The following ANGPTL5 variants were observed in gnomAD, a reference collection of about 807,000 sequenced individuals.
The protein encoded by ANGPTL5 is angiopoietin like 5.
ANGPTL5 carries 34 observed loss-of-function variants against 39.4 expected under a neutral mutation model. The observed-to-expected ratio is 0.86, with a 90% CI of 0.66 to 1.15. The LOEUF is 1.15. Ranked by LOEUF, ANGPTL5 falls within the 50% of genes most tolerant of loss-of-function variation. ANGPTL5 has a pLI of 0.00. For missense variants in ANGPTL5, 467 were observed against 457.5 expected, an observed-to-expected ratio of 1.02 and a Z score of -0.19; for synonymous variants, 146 against 152.1, an observed-to-expected ratio of 0.96 and a Z score of 0.29.
intron 6 of ANGPTL5, among the ~76,000 whole-genome samples, chr11:101,901,005 G>A (rs1240551053): frequency 7.1e-6 from 1 of 140,258 alleles, no homozygotes; most frequent in African/African-American, 2.7e-5. Context: ...GCGCCCGCTA[G>A]CACCCCCGGC....
chr11:101,900,378 T>C, intron 7 of ANGPTL5, 52 bp downstream of exon 7: 2 of 1,563,538 alleles, frequency 1.3e-6, no homozygotes, highest in Non-Finnish European at 1.8e-6. Flanking sequence ...GCTCTATAGA[T>C]ATAATATCAA....
At chr11:101,904,438 T>C (rs943350575) in intron 5 of ANGPTL5, among the ~76,000 whole-genome samples, 2 of 152,234 alleles carry the variant, frequency 1.3e-5, no homozygotes, top group Non-Finnish European at 2.9e-5. Context: ...ATTTGAAACA[T>C]TTCAAACATG....
chr11:101,913,145 T>C (rs1312889837), intron 1 of ANGPTL5, among the ~76,000 whole-genome samples: 1 of 152,180 alleles, frequency 6.6e-6, no homozygotes, highest in Non-Finnish European at 1.5e-5. Flanking sequence ...ACAGACTGAT[T>C]TCAATAACTT....
intron 8 of ANGPTL5, 142 bp from the exon 9 acceptor site, chr11:101,891,740 C>T (rs546884227): frequency 1.2e-6 from 1 of 868,212 alleles, no homozygotes; most frequent in East Asian, 2.7e-5. Context: ...TTAAAATTCT[C>T]CTACTCGAAG....
chr11:101,899,092 G>T (rs1056539530), intron 7 of ANGPTL5, among the ~76,000 whole-genome samples: 2 of 152,164 alleles, frequency 1.3e-5, no homozygotes, highest in Non-Finnish European at 2.9e-5. Context: ...CAGGGATATT[G>T]GCCTGAAATT....
At chr11:101,908,759 C>T (rs1188917790) in intron 1 of ANGPTL5, among the ~76,000 whole-genome samples, 6 of 129,546 alleles carry the variant, frequency 4.6e-5, no homozygotes, top group South Asian at 2.4e-4. Context: ...CCAGCCTGGG[C>T]GAAAGAGTGA....
chr11:101,905,823 G>A lies in ANGPTL5; in HGVS notation c.266C>T (p.Ser89Phe). The part of the protein sequence containing the change: ...MCRNLQNSIV[S>F]YTRSTKKLLR... The stretch of plus-strand genomic sequence containing the variant: ...TAGTTTTTTGGTACTTCTTGTGTAG[G>A]AAACAATAGAATTTTGCAAATTTCC... The change falls in exon 4 of 9, where the codon TCC becomes TTC. Residue 89 changes from serine to phenylalanine, a missense_variant. Physicochemically the swap from Ser to Phe is radical, Grantham distance 155. Transcript: ENST00000334289. 6.2e-7 allele frequency: 1 copy of A among 1,610,396 alleles called. No individual in the cohort carries two copies. The highest frequency in any genetic ancestry group is 8.5e-7 in the Non-Finnish European group (1 of 1,177,980).
In ANGPTL5 at chr11:101,904,906, A is replaced by T. The variant is rs532254397; in HGVS notation, c.347T>A (p.Val116Asp). The change falls in exon 5 of 9, where the codon GTT becomes GAT. Residue 116 changes from valine (V) to aspartate (D), a missense_variant and splice_region_variant. Val to Asp is a radical substitution (Grantham distance 152). Coordinates refer to ENST00000334289, the MANE Select transcript of ANGPTL5 (RefSeq NM_178127.5). ...GAGAACTCTATTCATGAGCTCGTTA[A>T]CCTAAACACATGCATACACATTTAA... ...QASLDYLSNQ[V>D]NELMNRVLLL... 1.2e-6 allele frequency: 2 copies of T among 1,608,728 alleles called. No individual in the cohort carries two copies. The highest frequency in any genetic ancestry group is 1.7e-6 in the Non-Finnish European group (2 of 1,175,376).
chr11:101,895,481 A>G (rs1939775316), intron 7 of ANGPTL5, among the ~76,000 whole-genome samples: 1 of 152,234 alleles, frequency 6.6e-6, no homozygotes, highest in South Asian at 2.1e-4. Context: ...ATTTACCAGT[A>G]AATGAGAAGG....
At chr11:101,900,592 T>C in intron 6 of ANGPTL5, 42 bp from the exon 7 acceptor site, 1 of 1,590,732 alleles carries the variant, frequency 6.3e-7, no homozygotes, top group African/African-American at 1.3e-5. Context: ...ACACTATTAT[T>C]TTCATTATTT....
At chr11:101,903,833 TG>T (rs1269389548) in intron 5 of ANGPTL5, among the ~76,000 whole-genome samples, 3 of 152,178 alleles carry the variant, frequency 2.0e-5, no homozygotes, top group Non-Finnish European at 4.4e-5. Flanking sequence ...TATCTGATGA[TG>T]ATGATCATAG....
chr11:101,904,424 C>A (rs1939963616), intron 5 of ANGPTL5, among the ~76,000 whole-genome samples: 1 of 151,736 alleles, frequency 6.6e-6, no homozygotes, highest in African/African-American at 2.4e-5. Flanking sequence ...AATTTTATGC[C>A]CCAATTTGAA....
chr11:101,912,737 G>T (rs1308820447), intron 1 of ANGPTL5, among the ~76,000 whole-genome samples: 1 of 152,154 alleles, frequency 6.6e-6, no homozygotes, highest in African/African-American at 2.4e-5. Context: ...TCTTGGCCAA[G>T]GGGACCCTGG....
At chr11:101,896,646 G>T (rs1053227291) in intron 7 of ANGPTL5, among the ~76,000 whole-genome samples, 2 of 152,036 alleles carry the variant, frequency 1.3e-5, no homozygotes, top group African/African-American at 2.4e-5. Context: ...TGAGAATGAC[G>T]GTTTCTAGCT....
At chr11:101,910,676 C>G (rs921063758) in intron 1 of ANGPTL5, among the ~76,000 whole-genome samples, 1 of 151,996 alleles carries the variant, frequency 6.6e-6, no homozygotes, top group Non-Finnish European at 1.5e-5. Flanking sequence ...TTGTTTGAGC[C>G]AAAAATCTGA....
intron 8 of ANGPTL5, among the ~76,000 whole-genome samples, chr11:101,893,487 T>C (rs1355093443): frequency 6.6e-6 from 1 of 152,226 alleles, no homozygotes; most frequent in African/African-American, 2.4e-5. Context: ...TTACATTATG[T>C]GATCAACAGT....
intron 6 of ANGPTL5, among the ~76,000 whole-genome samples, chr11:101,901,167 G>T (rs1939892656): frequency 6.6e-6 from 1 of 151,914 alleles, no homozygotes; most frequent in South Asian, 2.1e-4. Flanking sequence ...GTGAGCCACC[G>T]CGCCTGGCCG....
At chr11:101,911,505 A>G (rs552370993) in intron 1 of ANGPTL5, among the ~76,000 whole-genome samples, 1 of 152,256 alleles carries the variant, frequency 6.6e-6, no homozygotes, top group South Asian at 2.1e-4. Flanking sequence ...TCATGGGGGC[A>G]GATATCCCCA....
chr11:101,899,067 C>T lies in ANGPTL5; in HGVS notation c.661+1363G>A, dbSNP rs1047731623. On this transcript the variant is annotated intron_variant, in intron 7 of 8. Coordinates refer to ENST00000334289, the MANE Select transcript of ANGPTL5 (RefSeq NM_178127.5). ...TTTCCAGTATTTTATTGAGGATTTT[C>T]GCATCAATGTTCATCAGGGATATTG... is the stretch of plus-strand genomic sequence containing the variant. Among the ~76,000 whole-genome samples the T allele has an allele frequency of 2.6e-5, 4 of 152,064 alleles. No homozygotes were observed. The South Asian group carries it at 6.2e-4, about 24-fold the overall frequency.
Sources: allele counts gnomAD v4.1 joint callset (sites outside exome capture counted in the v4.1 genomes callset), GRCh38; gene constraint gnomAD v4.1.1; transcripts MANE v1.5; gene names NCBI Gene and HGNC (gene_info 2026-07-23, HGNC 2026-07-21).